The following TANGO6 variants were observed in gnomAD, a reference collection of about 807,000 sequenced individuals.
TANGO6 encodes transport and Golgi organization protein 6 homolog.
A neutral mutation model predicts 114.2 loss-of-function variants in TANGO6; 90 were observed. The observed-to-expected ratio is 0.79, with a 90% CI of 0.66 to 0.94. The LOEUF is 0.94. Ranked by LOEUF, TANGO6 falls within the 40% of genes least tolerant of loss-of-function variation. TANGO6 has a pLI of 0.00. For synonymous variants in TANGO6, 477 were observed against 509.8 expected (o/e 0.94, Z 0.87); for missense variants, 1,274 against 1,315.3 (o/e 0.97, Z 0.49).
chr16:68,907,647 G>A (rs1168149540), intron 10 of TANGO6, 72 bp downstream of exon 10: 1 of 1,464,334 alleles, frequency 6.8e-7, no homozygotes. Context: ...AATTTTCAAA[G>A]CATTTATAAT....
chr16:68,943,811 C>T (rs923684231), intron 14 of TANGO6, among the ~76,000 whole-genome samples: 2 of 152,060 alleles, frequency 1.3e-5, no homozygotes, highest in Admixed American at 6.6e-5. Context: ...AGAAACAGCA[C>T]GAAGGTCAAA....
intron 7 of TANGO6, among the ~76,000 whole-genome samples, chr16:68,884,038 T>G (rs1962503015): frequency 2.0e-5 from 3 of 152,076 alleles, no homozygotes; most frequent in African/African-American, 7.2e-5. Flanking sequence ...GCCTCCCCAG[T>G]AGCTGAAATT....
intron 17 of TANGO6, among the ~76,000 whole-genome samples, chr16:69,076,663 C>A (rs1960384631): frequency 6.6e-6 from 1 of 152,094 alleles, no homozygotes; most frequent in Non-Finnish European, 1.5e-5. Context: ...GCTGTTGGGG[C>A]CTCCATTTGC....
intron 15 of TANGO6, among the ~76,000 whole-genome samples, chr16:68,980,909 C>T (rs1177670752): frequency 1.3e-5 from 2 of 151,824 alleles, no homozygotes; most frequent in South Asian, 2.1e-4. Context: ...GCAGGAGAAT[C>T]TCTTGAATCT....
chr16:68,904,371 T>G (rs1962822468), intron 9 of TANGO6, among the ~76,000 whole-genome samples: 1 of 152,328 alleles, frequency 6.6e-6, no homozygotes, highest in East Asian at 1.9e-4. Flanking sequence ...ATTTTGGCTT[T>G]TCCTTTAACA....
At chr16:68,882,614 T>C (rs1159671369) in intron 7 of TANGO6, among the ~76,000 whole-genome samples, 2 of 152,182 alleles carry the variant, frequency 1.3e-5, no homozygotes, top group African/African-American at 2.4e-5. Flanking sequence ...GTTCTAAAAT[T>C]GTATTGTGAT....
chr16:69,082,112 T>C (rs1960474169), intron 17 of TANGO6, among the ~76,000 whole-genome samples: 1 of 152,040 alleles, frequency 6.6e-6, no homozygotes, highest in African/African-American at 2.4e-5. Context: ...TCCTCCCAAG[T>C]AGCTGGGATT....
rs370844704 is a variant in TANGO6 at position 69,028,618 on chromosome 16, G to A, written c.2994+5639G>A. ...ACTACACTCTAGTCTGGGTGACAGCGCGAGACTTTGTCTCAAAAAAAACTA... is the reference window on the plus strand; with the variant it reads ...ACTACACTCTAGTCTGGGTGACAGCACGAGACTTTGTCTCAAAAAAAACTA... On this transcript the variant is annotated intron_variant, in intron 16 of 17. Transcript: ENST00000261778. Among the ~76,000 whole-genome samples, 30 of 151,876 alleles carry A rather than the reference G, an allele frequency of 2.0e-4. No homozygotes were observed. The South Asian group carries it at 2.3e-3, about 12-fold the overall frequency.
intron 15 of TANGO6, among the ~76,000 whole-genome samples, chr16:69,021,482 A>G (rs561401178): frequency 6.6e-6 from 1 of 152,014 alleles, no homozygotes; most frequent in Non-Finnish European, 1.5e-5. Flanking sequence ...TTTTGCCCCT[A>G]TAGTATGTAT....
intron 9 of TANGO6, among the ~76,000 whole-genome samples, chr16:68,903,081 T>C (rs976075615): frequency 6.6e-6 from 1 of 152,244 alleles, no homozygotes; most frequent in Admixed American, 6.5e-5. Flanking sequence ...CGTAAATTCC[T>C]GTTGGTCATA....
At chr16:68,853,719 A>C (rs1961940101) in intron 1 of TANGO6, among the ~76,000 whole-genome samples, 2 of 152,232 alleles carry the variant, frequency 1.3e-5, no homozygotes, top group Admixed American at 6.5e-5. Flanking sequence ...AGAAACTGCC[A>C]GACCAACTGA....
intron 1 of TANGO6, among the ~76,000 whole-genome samples, chr16:68,844,003 T>C (rs545099897): frequency 6.6e-6 from 1 of 152,256 alleles, no homozygotes; most frequent in East Asian, 1.9e-4. Flanking sequence ...CAGTGCTTAC[T>C]GCAGCGCTCT....
intron 17 of TANGO6, among the ~76,000 whole-genome samples, chr16:69,067,529 A>AAAAAAAAAAAAAAAAAAAAAAAC (rs1960233290): frequency 6.7e-6 from 1 of 149,908 alleles, no homozygotes; most frequent in Non-Finnish European, 1.5e-5. Context: ...AAAAAAAAAA[A>AAAAAAAAAAAAAAAAAAAAAAAC]AAAAAAAACG....
chr16:68,913,766 C>A (rs1162849620), intron 11 of TANGO6, among the ~76,000 whole-genome samples: 1 of 151,894 alleles, frequency 6.6e-6, no homozygotes, highest in Non-Finnish European at 1.5e-5. Context: ...CTTTTTACTG[C>A]AGAACCCTGG....
intron 15 of TANGO6, among the ~76,000 whole-genome samples, chr16:68,993,073 A>G (rs948636278): frequency 2.6e-5 from 4 of 152,164 alleles, no homozygotes; most frequent in African/African-American, 9.7e-5. Context: ...GTCTCAAAAA[A>G]AAAAGAAAAG....
intron 15 of TANGO6, among the ~76,000 whole-genome samples, chr16:69,000,155 T>C (rs1964027426): frequency 6.6e-6 from 1 of 152,186 alleles, no homozygotes; most frequent in Admixed American, 6.5e-5. Context: ...ATTATAGAAG[T>C]TTCACATAAT....
At chr16:69,022,338 A>G (rs1470735504) in intron 15 of TANGO6, among the ~76,000 whole-genome samples, 1 of 152,214 alleles carries the variant, frequency 6.6e-6, no homozygotes, top group African/African-American at 2.4e-5. Flanking sequence ...ACCATACATC[A>G]TGAATATTTT....
At chr16:68,939,997 T>C (rs912059935) in intron 14 of TANGO6, among the ~76,000 whole-genome samples, 1 of 150,752 alleles carries the variant, frequency 6.6e-6, no homozygotes, top group South Asian at 2.1e-4. Context: ...TTGGTCTGAC[T>C]ACAAGGATTT....
chr16:68,978,383 GC>G (rs1213536192), intron 15 of TANGO6, among the ~76,000 whole-genome samples: 1 of 152,120 alleles, frequency 6.6e-6, no homozygotes, highest in Non-Finnish European at 1.5e-5. Context: ...TTCCAAAACA[GC>G]CTTCTGGCAT....
Sources: allele counts gnomAD v4.1 joint callset (sites outside exome capture counted in the v4.1 genomes callset), GRCh38; gene constraint gnomAD v4.1.1; transcripts MANE v1.5; gene names NCBI Gene and HGNC (gene_info 2026-07-23, HGNC 2026-07-21).